PSME1: variants seen among roughly 807,000 people sequenced by gnomAD.
PSME1 encodes proteasome activator complex subunit 1.
In PSME1, 15 loss-of-function variants were observed where a neutral mutation model predicts 38.4. The ratio of observed to expected loss-of-function variants is 0.39; its 90% confidence interval spans 0.26 to 0.60. The LOEUF (loss-of-function observed/expected upper bound fraction) is 0.60. Among genes scored for constraint, PSME1 ranks in the 20% least tolerant of loss-of-function variants. The pLI is 0.53. For synonymous variants in PSME1, 106 were observed against 106.8 expected, an observed-to-expected ratio of 0.99 and a Z score of 0.05; for missense variants, 249 against 305.6, an observed-to-expected ratio of 0.81 and a Z score of 1.38.
intron 10 of PSME1, 47 bp downstream of exon 10, chr14:24,138,607 A>G: frequency 1.2e-6 from 2 of 1,613,926 alleles, no homozygotes; most frequent in Non-Finnish European, 1.7e-6. Flanking sequence ...CAGCTTTCCC[A>G]GGCCACCCAC....
At position 24,136,411 on chromosome 14, in the gene PSME1, C is replaced by G; in HGVS notation, c.39+110C>G. On this transcript the variant is annotated intron_variant, in intron 1 of 10. Coordinates refer to ENST00000206451, the MANE Select transcript of PSME1 (RefSeq NM_006263.4). The surrounding 1 kb of genome is among the most constrained non-coding windows in gnomAD (Gnocchi z 4.8). ...CCCACGCGAGTCGGGGGCAGTCGGC[C>G]GAGCTGGCGCGCCCGGAGCACCTGC... 1 of 1,121,986 alleles carries G rather than the reference C, an allele frequency of 8.9e-7. No homozygotes were observed. Among genetic ancestry groups the G allele is most frequent in the Non-Finnish European group, 1.2e-6 (1 of 843,238 alleles). 69.5% of individuals were successfully genotyped at this position (1,121,986 alleles called of 1,614,324 possible). A position where few individuals can be genotyped will look rare whatever the true frequency, so the allele number is the denominator to read the frequency against.
Position 24,138,840 on chromosome 14 carries a change from T to A in PSME1, c.*24T>A. 1.2e-6 allele frequency: 2 copies of A among 1,611,256 alleles called. No homozygotes were observed. The highest frequency in any genetic ancestry group is 1.7e-6 in the Non-Finnish European group (2 of 1,177,604). ...GAGAGCCCTCTCTCCCATTCTGTGATGAGTACAGCAGAGACCTTCCTGCTT... is the reference window on the plus strand; with the variant it reads ...GAGAGCCCTCTCTCCCATTCTGTGAAGAGTACAGCAGAGACCTTCCTGCTT... On this transcript the variant is annotated 3_prime_UTR_variant, in exon 11 of 11. Coordinates refer to ENST00000206451, the MANE Select transcript of PSME1 (RefSeq NM_006263.4).
chr14:24,137,366 T>C lies in PSME1; in HGVS notation c.181T>C (p.Leu61=). The change falls in exon 4 of 11, where the codon TTG becomes CTG. Residue 61 remains leucine, a synonymous_variant. Transcript: ENST00000206451. The part of the protein sequence containing the change: ...EANLSNLKAP[L]DIPVPDPVKE... ...CAACTTGAGCAATCTGAAGGCCCCA[T>C]TGGACATCCCAGTGCCTGATCCAGT... 3.1e-6 allele frequency: 5 copies of C among 1,613,972 alleles called. No homozygotes were observed. Among genetic ancestry groups the C allele is most frequent in the East Asian group, 2.2e-5 (1 of 44,868 alleles).
At chr14:24,137,590 AGAGACTT>A in intron 5 of PSME1, 25 bp downstream of exon 5, 1 of 1,613,840 alleles carries the variant, frequency 6.2e-7, no homozygotes, top group Non-Finnish European at 8.5e-7. Context: ...AATGGTGGGA[AGAGACTT>A]GAGTCCCACT....
chr14:24,137,910 G>C, intron 6 of PSME1, 113 bp downstream of exon 6: 1 of 1,490,226 alleles, frequency 6.7e-7, no homozygotes, highest in Non-Finnish European at 9.3e-7. Context: ...CACAGCAAGT[G>C]AAACCAGAAG....
chr14:24,136,792 A>G lies in PSME1; in HGVS notation c.40-193A>G. 3.0e-6 allele frequency: 2 copies of G among 657,762 alleles called. No individual in the cohort carries two copies. The highest frequency in any genetic ancestry group is 2.7e-5 in the East Asian group (1 of 36,694). 40.7% of individuals were successfully genotyped at this position (657,762 alleles called of 1,614,324 possible). A position where few individuals can be genotyped will look rare whatever the true frequency, so the allele number is the denominator to read the frequency against. On this transcript the variant is annotated intron_variant, in intron 1 of 10. Coordinates refer to ENST00000206451, the MANE Select transcript of PSME1 (RefSeq NM_006263.4). The surrounding 1 kb of genome is among the most constrained non-coding windows in gnomAD (Gnocchi z 4.8). ...TACCCACTCCACTTTCCGTAGATCC[A>G]GGTCTGCAGAGATCCACCTTCTCCA...
At chr14:24,137,088 A>G (rs986901644) in intron 2 of PSME1, 55 bp from the exon 3 acceptor site, 1 of 1,613,808 alleles carries the variant, frequency 6.2e-7, no homozygotes, top group African/African-American at 1.3e-5. Context: ...CTCACTACCT[A>G]GGACGGGCAT....
chr14:24,137,921 T>A (rs2037939976), intron 6 of PSME1, 124 bp downstream of exon 6: 1 of 1,488,202 alleles, frequency 6.7e-7, no homozygotes, highest in Admixed American at 1.7e-5. Context: ...AAACCAGAAG[T>A]CCAGGCCCTG....
chr14:24,137,227 C>T, intron 3 of PSME1, 22 bp downstream of exon 3: 1 of 1,613,422 alleles, frequency 6.2e-7, no homozygotes, highest in Admixed American at 1.7e-5. Flanking sequence ...GGGCAGGGAG[C>T]TAGGGAGTAA....
rs2037950525 is a variant in PSME1, at chr14:24,138,247, C to T, written c.511C>T (p.His171Tyr). Residue 171 changes from histidine to tyrosine, a missense_variant, in exon 8 of 11, where the codon CAC becomes TAC. His to Tyr is a moderately conservative substitution (Grantham distance 83). Transcript: ENST00000206451. The stretch of plus-strand genomic sequence containing the variant: ...CCTCCACACCAAGCTAGAAGGCTTC[C>T]ACACTCAAATCTCTAAGTGAGTGAC... ...TSLHTKLEGFHTQISKYFSER... is the reference protein window; with the variant it reads ...TSLHTKLEGFYTQISKYFSER... 1 of 1,614,184 alleles carries T rather than the reference C, an allele frequency of 6.2e-7. No homozygotes were observed. Among genetic ancestry groups the T allele is most frequent in the East Asian group, 2.2e-5 (1 of 44,888 alleles).
At chr14:24,138,585 G>A in intron 10 of PSME1, 25 bp downstream of exon 10, 7 of 1,613,978 alleles carry the variant, frequency 4.3e-6, no homozygotes, top group Non-Finnish European at 5.9e-6. Context: ...GCAGGGCAGG[G>A]GTGGGCAGAG....
rs575109703 is a variant in PSME1, at chr14:24,136,622, G to A, written c.39+321G>A. ...GCCTTTCCCTCAGGGAGGGTCCCGG[G>A]GCCCACCCCATCCCTGTCCTACTTG... On this transcript the variant is annotated intron_variant, in intron 1 of 10. Coordinates refer to ENST00000206451, the MANE Select transcript of PSME1 (RefSeq NM_006263.4). The surrounding 1 kb of genome is among the most constrained non-coding windows in gnomAD (Gnocchi z 4.8). 6.6e-6 allele frequency among the ~76,000 whole-genome samples: 1 copy of A among 152,030 alleles called. No homozygotes were observed. The highest frequency in any genetic ancestry group is 1.5e-5 in the Non-Finnish European group (1 of 67,972).
In PSME1 at chr14:24,137,162, G is replaced by C; in HGVS notation, c.92G>C (p.Ser31Thr). The C allele has an allele frequency of 6.2e-7, 1 of 1,614,202 alleles. No homozygotes were observed. Among genetic ancestry groups the C allele is most frequent in the South Asian group, 1.1e-5 (1 of 91,078 alleles). Residue 31 changes from serine (S) to threonine (T), a missense_variant, in exon 3 of 11, where the codon AGC (serine) becomes ACC (threonine). Physicochemically the swap from Ser to Thr is moderately conservative, Grantham distance 58. Coordinates refer to ENST00000206451, the MANE Select transcript of PSME1 (RefSeq NM_006263.4). Reference sequence around the variant, plus strand: ...ACACAGACAGAGAACCTGCTCGGGAGCTATTTCCCCAAGAAGATTTCTGAG... The same window carrying C: ...ACACAGACAGAGAACCTGCTCGGGACCTATTTCCCCAAGAAGATTTCTGAG... ...LCTKTENLLG[S>T]YFPKKISELD...
rs1405948924 is a variant in PSME1, at chr14:24,137,374, C to G, written c.189C>G (p.Ile63Met). The G allele has an allele frequency of 6.2e-7, 1 of 1,614,086 alleles. No homozygotes were observed. The highest frequency in any genetic ancestry group is 1.7e-5 in the Admixed American group (1 of 60,016). ...NLSNLKAPLD[I>M]PVPDPVKEKE... ...GCAATCTGAAGGCCCCATTGGACAT[C>G]CCAGTGCCTGATCCAGTCAAGGAGA... The change falls in exon 4 of 11, where the codon ATC (isoleucine) becomes ATG (methionine). Residue 63 changes from isoleucine (I) to methionine (M), a missense_variant. Transcript: ENST00000206451.
Position 24,138,382 on chromosome 14 carries a change from G to C in PSME1, c.565G>C (p.Ala189Pro). 6.2e-7 allele frequency: 1 copy of C among 1,614,176 alleles called. No homozygotes were observed. The highest frequency in any genetic ancestry group is 8.5e-7 in the Non-Finnish European group (1 of 1,180,032). ...SERGDAVTKA[A>P]KQPHVGDYRQ... ...GCGTGGTGATGCAGTGACTAAAGCA[G>C]CCAAGCAGCCCCATGTGGTAGGTGA... is the stretch of plus-strand genomic sequence containing the variant. The change falls in exon 9 of 11, where the codon GCC (alanine) becomes CCC (proline). Residue 189 changes from alanine (A) to proline (P), a missense_variant. Physicochemically the swap from Ala to Pro is conservative, Grantham distance 27 (BLOSUM62 -1). Transcript: ENST00000206451.
In PSME1 at chr14:24,138,182, C is replaced by CT. The variant is rs754286840; in HGVS notation, c.460-7dup. ...ATGCTTCCTTCCACTTTCCCCCTTG[C>CT]TTTTTTTCCCTAGGAGAAGGTGTTT... On this transcript the variant is annotated splice_polypyrimidine_tract_variant and intron_variant, in intron 7 of 10. Transcript: ENST00000206451. 4.7e-5 allele frequency: 76 copies of CT among 1,614,020 alleles called. No homozygotes were observed. Among genetic ancestry groups the CT allele is most frequent in the Non-Finnish European group, 5.8e-5 (69 of 1,180,010 alleles).
rs1445737085 is a variant in PSME1, at chr14:24,137,546, G to A, written c.273G>A (p.Lys91=). 6.2e-7 allele frequency: 1 copy of A among 1,614,074 alleles called. No homozygotes were observed. The highest frequency in any genetic ancestry group is 1.3e-5 in the African/African-American group (1 of 74,924). ...QEKEDKDEKK[K]GEDEDKGPPC... is the part of the protein sequence containing the mutation. Reference sequence around the variant, plus strand: ...AGGAAGACAAGGATGAAAAGAAGAAGGGGGAGGATGAAGACAAAGGTACTT... The same window carrying A: ...AGGAAGACAAGGATGAAAAGAAGAAAGGGGAGGATGAAGACAAAGGTACTT... The change falls in exon 5 of 11, where the codon AAG becomes AAA. Residue 91 remains lysine (K), a synonymous_variant. Transcript: ENST00000206451.
In PSME1 at chr14:24,137,335, T is replaced by G; in HGVS notation, c.150T>G (p.Asn50Lys). The G allele has an allele frequency of 1.9e-6, 3 of 1,614,006 alleles. No homozygotes were observed. The highest frequency in any genetic ancestry group is 1.6e-4 in the Middle Eastern group (1 of 6,062). Residue 50 changes from asparagine to lysine, a missense_variant, in exon 4 of 11, where the codon AAT (asparagine) becomes AAG (lysine). Asn to Lys is a moderately conservative substitution (Grantham distance 94, BLOSUM62 0). Transcript: ENST00000206451. Reference sequence around the variant, plus strand: ...CCCTACACCAGGAGCCAGCTCTCAATGAAGCCAACTTGAGCAATCTGAAGG... The same window carrying G: ...CCCTACACCAGGAGCCAGCTCTCAAGGAAGCCAACTTGAGCAATCTGAAGG... ...LDAFLKEPAL[N>K]EANLSNLKAP...
In PSME1 at chr14:24,137,409, A is replaced by G; in HGVS notation, c.224A>G (p.Glu75Gly). ...VPDPVKEKEK[E>G]ERKKQQEKED... is the part of the protein sequence containing the mutation. Reference sequence around the variant, plus strand: ...GATCCAGTCAAGGAGAAAGAGAAAGAGGAGCGGAAGAAACAGCAGGAGGCA... The same window carrying G: ...GATCCAGTCAAGGAGAAAGAGAAAGGGGAGCGGAAGAAACAGCAGGAGGCA... The change falls in exon 4 of 11, where the codon GAG becomes GGG. Residue 75 changes from glutamate (E) to glycine (G), a missense_variant. Physicochemically the swap from Glu to Gly is moderately conservative, Grantham distance 98. Coordinates refer to ENST00000206451, the MANE Select transcript of PSME1 (RefSeq NM_006263.4). The G allele has an allele frequency of 6.2e-7, 1 of 1,614,194 alleles. No individual in the cohort carries two copies. Among genetic ancestry groups the G allele is most frequent in the Non-Finnish European group, 8.5e-7 (1 of 1,180,030 alleles).
Sources: allele counts gnomAD v4.1 joint callset (sites outside exome capture counted in the v4.1 genomes callset), GRCh38; gene constraint gnomAD v4.1.1; non-coding constraint Gnocchi (gnomAD v3.1); transcripts MANE v1.5; gene names NCBI Gene and HGNC (gene_info 2026-07-23, HGNC 2026-07-21).